FGD2: variants seen among roughly 807,000 people sequenced by gnomAD.
FGD2 encodes the protein FYVE, RhoGEF and PH domain containing 2.
In FGD2, 52 loss-of-function variants were observed where a neutral mutation model predicts 75.9. The observed-to-expected ratio is 0.69, with a 90% CI of 0.55 to 0.86. FGD2 has a LOEUF of 0.86. Among genes scored for constraint, FGD2 ranks in the 40% least tolerant of loss-of-function variants. FGD2 has a pLI of 0.00. For missense variants in FGD2, 790 were observed against 872.0 expected, an observed-to-expected ratio of 0.91 and a Z score of 1.18; for synonymous variants, 347 against 348.6, an observed-to-expected ratio of 1.00 and a Z score of 0.05.
chr6:37,013,986 A>G lies in FGD2; in HGVS notation c.709A>G (p.Thr237Ala), dbSNP rs201108665. ...GAGCAGCGAGGCTTCGGGCAGCCTG[A>G]CCCTGCAGCACCACATGCTGGAACC... ...IQSSEASGSLTLQHHMLEPVQ... is the reference protein window; with the variant it reads ...IQSSEASGSLALQHHMLEPVQ... The change falls in exon 6 of 16, where the codon ACC becomes GCC. Residue 237 changes from threonine (T) to alanine (A), a missense_variant. Physicochemically the swap from Thr to Ala is moderately conservative, Grantham distance 58. Coordinates refer to ENST00000274963, the MANE Select transcript of FGD2 (RefSeq NM_173558.4). 2 of 1,613,776 alleles carry G rather than the reference A, an allele frequency of 1.2e-6. No homozygotes were observed. The highest frequency in any genetic ancestry group is 2.2e-5 in the East Asian group (1 of 44,870).
chr6:37,013,874 C>T, intron 5 of FGD2, 88 bp from the exon 6 acceptor site: 15 of 1,583,564 alleles, frequency 9.5e-6, no homozygotes, highest in Non-Finnish European at 1.3e-5. Flanking sequence ...TTCCATAGGC[C>T]CCTGCCTACT....
In FGD2 at chr6:37,022,386, A is replaced by G. The variant is rs1765631198; in HGVS notation, c.1458+16A>G. On this transcript the variant is annotated intron_variant, in intron 13 of 15. Transcript: ENST00000274963. ...CTGCGGCTATGTGAGTACTCCTGCC[A>G]GCACTCCTGCCTCCACCTGCGTCAC... 17 of 1,558,554 alleles carry G rather than the reference A, an allele frequency of 1.1e-5. No individual in the cohort carries two copies. The highest frequency in any genetic ancestry group is 1.4e-5 in the Non-Finnish European group (16 of 1,155,886).
intron 5 of FGD2, 52 bp from the exon 6 acceptor site, chr6:37,013,910 C>A (rs576637403): frequency 1.3e-6 from 2 of 1,597,010 alleles, no homozygotes. Flanking sequence ...AGCAGCCTGA[C>A]CCACCTCCCT....
chr6:37,027,276 G>A (rs1039984776), intron 14 of FGD2, among the ~76,000 whole-genome samples, 153 bp from the exon 15 acceptor site: 2 of 152,208 alleles, frequency 1.3e-5, no homozygotes, highest in African/African-American at 2.4e-5. Context: ...GTGACCACAG[G>A]CACTTGATGG....
At chr6:37,022,618 A>AG in intron 13 of FGD2, 1 of 460,294 alleles carries the variant, frequency 2.2e-6, no homozygotes. Flanking sequence ...TGATCCACCT[A>AG]GGCCTCCACC....
chr6:37,021,443 G>A (rs532111923), intron 11 of FGD2, 69 bp from the exon 12 acceptor site: 1 of 1,395,090 alleles, frequency 7.2e-7, no homozygotes, highest in South Asian at 1.2e-5. Flanking sequence ...ATGCACGGAA[G>A]GATGGACAGA....
intron 9 of FGD2, among the ~76,000 whole-genome samples, chr6:37,016,806 G>A (rs183275631): frequency 3.2e-4 from 49 of 151,860 alleles, no homozygotes; most frequent in Admixed American, 3.1e-3. Context: ...TAAAGTGCTG[G>A]GATTACAGGC....
At position 37,014,111 on chromosome 6, in the gene FGD2, C is replaced by A. The variant is rs372249511; in HGVS notation, c.823+11C>A. 8.7e-6 allele frequency: 14 copies of A among 1,612,154 alleles called. No homozygotes were observed. The East Asian group carries it at 1.8e-4, about 21-fold the overall frequency. On this transcript the variant is annotated intron_variant, in intron 6 of 15. Transcript: ENST00000274963. ...AGGCCGATGCCCAGAGTGAGGACAC[C>A]CCCAGGGGTCCCAGGGGGCTGAGGA...
intron 3 of FGD2, 183 bp downstream of exon 3, chr6:37,011,233 G>A (rs1764990781): frequency 1.6e-6 from 1 of 629,024 alleles, no homozygotes; most frequent in Admixed American, 2.7e-5. Context: ...CTTGTTAGCA[G>A]TACTCCCCAT....
At chr6:37,025,765 C>T (rs1561942654) in intron 13 of FGD2, 27 bp from the exon 14 acceptor site, 2 of 1,613,644 alleles carry the variant, frequency 1.2e-6, no homozygotes, top group Non-Finnish European at 1.7e-6. Context: ...GGTCTCAGCC[C>T]CATGCCCCCT....
chr6:37,028,189 A>G lies in FGD2; in HGVS notation c.*26A>G. Reference sequence around the variant, plus strand: ...GCCACTGCCAGCCGCTCTCCTGCCCACCTCTCCCCACCCTGAACCCAGCTC... The same window carrying G: ...GCCACTGCCAGCCGCTCTCCTGCCCGCCTCTCCCCACCCTGAACCCAGCTC... On this transcript the variant is annotated 3_prime_UTR_variant, in exon 16 of 16. Transcript: ENST00000274963. 6.6e-7 allele frequency: 1 copy of G among 1,504,010 alleles called. No individual in the cohort carries two copies. Among genetic ancestry groups the G allele is most frequent in the Non-Finnish European group, 8.9e-7 (1 of 1,122,674 alleles). 93.2% of individuals were successfully genotyped at this position (1,504,010 alleles called of 1,614,324 possible).
At chr6:37,025,723 C>T (rs1765786475) in intron 13 of FGD2, 69 bp from the exon 14 acceptor site, 1 of 1,580,518 alleles carries the variant, frequency 6.3e-7, no homozygotes, top group African/African-American at 1.3e-5. Context: ...CCCACCTGCC[C>T]ACCAAGGCAG....
chr6:37,022,335 A>G lies in FGD2; in HGVS notation c.1423A>G (p.Thr475Ala). The G allele has an allele frequency of 6.3e-7, 1 of 1,589,766 alleles. No homozygotes were observed. ...CTGCCAGGAGCCCTTCAACGCTCTGACGCGCCGTCGCCACCACTGCCGGGC... is the reference window on the plus strand; with the variant it reads ...CTGCCAGGAGCCCTTCAACGCTCTGGCGCGCCGTCGCCACCACTGCCGGGC... ...MRCQEPFNALTRRRHHCRACG... is the reference protein window; with the variant it reads ...MRCQEPFNALARRRHHCRACG... Residue 475 changes from threonine (T) to alanine (A), a missense_variant, in exon 13 of 16, where the codon ACG (threonine) becomes GCG (alanine). Transcript: ENST00000274963.
rs1764715047 is a variant in FGD2 at position 37,005,668 on chromosome 6, G to A, written c.-150G>A. 1.2e-6 allele frequency: 1 copy of A among 807,558 alleles called. No individual in the cohort carries two copies. The highest frequency in any genetic ancestry group is 2.0e-6 in the Non-Finnish European group (1 of 494,584). 50.0% of individuals were successfully genotyped at this position (807,558 alleles called of 1,614,324 possible). On this transcript the variant is annotated 5_prime_UTR_variant, in exon 1 of 16. Transcript: ENST00000274963. ...TCCTCTTTCTTCACTCTGAAGCCAA[G>A]AGCCGACCTTCTGAGCCCTCAAGAA...
intron 1 of FGD2, 48 bp from the exon 2 acceptor site, chr6:37,008,786 T>C (rs773788576): frequency 1.0e-5 from 15 of 1,497,430 alleles, no homozygotes; most frequent in African/African-American, 1.4e-5. Flanking sequence ...GCTGCTGTTT[T>C]CCCTGTTCTC....
chr6:37,012,036 T>C (rs1583297136), intron 4 of FGD2, 182 bp downstream of exon 4: 1 of 629,356 alleles, frequency 1.6e-6, no homozygotes, highest in Admixed American at 3.5e-5. Flanking sequence ...TGAGAGGCTG[T>C]GTGTGTGCAG....
intron 4 of FGD2, chr6:37,013,019 T>C (rs1263215837): frequency 6.6e-6 from 1 of 151,264 alleles, no homozygotes; most frequent in Non-Finnish European, 1.5e-5. Flanking sequence ...TATATGTATA[T>C]ATATTATTTT....
chr6:37,013,479 C>A lies in FGD2; in HGVS notation c.528-130C>A, dbSNP rs1204416689. 31 of 1,464,154 alleles carry A rather than the reference C, an allele frequency of 2.1e-5. 1 individual carries two copies. Among genetic ancestry groups the A allele is most frequent in the Non-Finnish European group, 2.8e-5 (31 of 1,111,108 alleles). The allele number at this position is 1,464,154 out of a possible 1,614,324, so 90.7% of individuals were successfully genotyped here. ...CGCATGTGAGGATGACACCCCCGTACCCCGCCCACACCCAGAATTGCCGTG... is the reference window on the plus strand; with the variant it reads ...CGCATGTGAGGATGACACCCCCGTAACCCGCCCACACCCAGAATTGCCGTG... On this transcript the variant is annotated intron_variant, in intron 4 of 15. Coordinates refer to ENST00000274963, the MANE Select transcript of FGD2 (RefSeq NM_173558.4).
intron 1 of FGD2, among the ~76,000 whole-genome samples, 175 bp downstream of exon 1, chr6:37,006,060 C>A (rs1409982903): frequency 1.3e-5 from 2 of 152,202 alleles, no homozygotes; most frequent in Non-Finnish European, 2.9e-5. Flanking sequence ...ACACCAGGAG[C>A]CAGGCAGGGG....
Sources: allele counts gnomAD v4.1 joint callset (sites outside exome capture counted in the v4.1 genomes callset), GRCh38; gene constraint gnomAD v4.1.1; transcripts MANE v1.5; gene names NCBI Gene and HGNC (gene_info 2026-07-23, HGNC 2026-07-21).